FER: variants seen among roughly 807,000 people sequenced by gnomAD.
FER encodes tyrosine-protein kinase Fer.
A neutral mutation model predicts 111.0 loss-of-function variants in FER; 63 were observed. The ratio of observed to expected loss-of-function variants is 0.57; its 90% CI spans 0.46 to 0.70. FER has a LOEUF of 0.70. Among genes scored for constraint, FER ranks in the 30% least tolerant of loss-of-function variants. The pLI is 0.00. For synonymous variants in FER, 327 were observed against 313.9 expected (o/e 1.04, Z -0.44); for missense variants, 914 against 954.0 (o/e 0.96, Z 0.55).
At chr5:109,077,854 C>G (rs1029578522) in intron 16 of FER, among the ~76,000 whole-genome samples, 1 of 151,946 alleles carries the variant, frequency 6.6e-6, no homozygotes, top group Non-Finnish European at 1.5e-5. Flanking sequence ...ACTTTCAAAC[C>G]CATATAATTA....
chr5:108,790,622 A>C (rs936998071), intron 2 of FER, among the ~76,000 whole-genome samples: 1 of 152,200 alleles, frequency 6.6e-6, no homozygotes, highest in Admixed American at 6.5e-5. Context: ...GATAATTATA[A>C]GTTATGCTGT....
intron 16 of FER, among the ~76,000 whole-genome samples, chr5:109,059,597 T>TCC (rs954382364): frequency 1.3e-5 from 2 of 152,124 alleles, no homozygotes; most frequent in African/African-American, 4.8e-5. Context: ...TTAGTTCCTC[T>TCC]CTCCCTCTTA....
At chr5:108,764,516 G>A (rs1416510697) in intron 1 of FER, among the ~76,000 whole-genome samples, 1 of 152,066 alleles carries the variant, frequency 6.6e-6, no homozygotes, top group African/African-American at 2.4e-5. Context: ...TCCTGCCTCA[G>A]CCTCCCAAGT....
At chr5:109,054,440 A>G (rs1376808264) in intron 16 of FER, among the ~76,000 whole-genome samples, 1 of 152,220 alleles carries the variant, frequency 6.6e-6, no homozygotes, top group Admixed American at 6.5e-5. Context: ...TCAAGTGTCC[A>G]AATCGTCTTG....
chr5:108,853,687 G>A (rs1036740676), intron 5 of FER, among the ~76,000 whole-genome samples: 7 of 152,148 alleles, frequency 4.6e-5, no homozygotes, highest in Non-Finnish European at 2.9e-5. Flanking sequence ...ATAAGAGAGA[G>A]GCATGGAGGT....
chr5:109,107,537 T>C (rs1283787610), intron 17 of FER, among the ~76,000 whole-genome samples: 3 of 152,112 alleles, frequency 2.0e-5, no homozygotes, highest in African/African-American at 7.2e-5. Flanking sequence ...TTAATATTTA[T>C]AAGTTCTCAT....
chr5:109,128,166 T>C (rs1023773617), intron 17 of FER, among the ~76,000 whole-genome samples: 3 of 151,952 alleles, frequency 2.0e-5, no homozygotes, highest in African/African-American at 7.3e-5. Flanking sequence ...TCCTACCCTC[T>C]CCTTCCTTAC....
intron 13 of FER, among the ~76,000 whole-genome samples, chr5:109,025,171 C>T (rs1004568725): frequency 1.3e-5 from 2 of 151,868 alleles, no homozygotes; most frequent in African/African-American, 4.8e-5. Context: ...TCATTGGTAG[C>T]TTGATGGGGA....
At chr5:108,855,478 G>A (rs1346539388) in intron 5 of FER, among the ~76,000 whole-genome samples, 1 of 151,860 alleles carries the variant, frequency 6.6e-6, no homozygotes, top group African/African-American at 2.4e-5. Context: ...AAAATTAGCC[G>A]GGCGCGGTGG....
At chr5:108,880,212 T>C (rs1395032242) in intron 8 of FER, among the ~76,000 whole-genome samples, 1 of 151,972 alleles carries the variant, frequency 6.6e-6, no homozygotes, top group African/African-American at 2.4e-5. Context: ...GAATGGAAAA[T>C]TAACCAGGAA....
intron 8 of FER, among the ~76,000 whole-genome samples, chr5:108,881,137 C>G (rs1376548352): frequency 1.3e-5 from 2 of 152,158 alleles, no homozygotes. Flanking sequence ...ATCCTGTGCA[C>G]TCACATATAA....
At chr5:108,778,511 A>G (rs1181827386) in intron 2 of FER, among the ~76,000 whole-genome samples, 1 of 152,168 alleles carries the variant, frequency 6.6e-6, no homozygotes, top group East Asian at 1.9e-4. Context: ...AGCGTCCTGG[A>G]TTTTGGCTGT....
intron 13 of FER, among the ~76,000 whole-genome samples, chr5:108,998,711 T>C (rs921578870): frequency 6.6e-6 from 1 of 151,094 alleles, no homozygotes; most frequent in Non-Finnish European, 1.5e-5. Flanking sequence ...TCTGTTGAGA[T>C]AAACATGTGG....
chr5:108,820,026 A>G (rs2150101087), intron 3 of FER: 1 of 985,402 alleles, frequency 1.0e-6, no homozygotes, highest in South Asian at 4.7e-5. Context: ...CGGCTTGTCT[A>G]GGACATGGAA....
intron 10 of FER, among the ~76,000 whole-genome samples, chr5:108,939,617 T>A (rs974831629): frequency 6.6e-6 from 1 of 152,084 alleles, no homozygotes; most frequent in Non-Finnish European, 1.5e-5. Context: ...GCACTTAGAA[T>A]CTGACTGACT....
intron 11 of FER, among the ~76,000 whole-genome samples, chr5:108,947,546 A>G (rs1353505169): frequency 1.3e-5 from 2 of 151,870 alleles, no homozygotes; most frequent in Non-Finnish European, 2.9e-5. Flanking sequence ...AAAATTGCTT[A>G]TTTATTGTTG....
intron 17 of FER, among the ~76,000 whole-genome samples, chr5:109,156,247 C>T (rs1297067967): frequency 4.6e-5 from 7 of 152,040 alleles, no homozygotes; most frequent in Admixed American, 4.6e-4. Context: ...TATAATTAGA[C>T]AGTAGTTGAT....
intron 13 of FER, among the ~76,000 whole-genome samples, chr5:109,021,872 C>T (rs1182858320): frequency 6.6e-6 from 1 of 151,982 alleles, no homozygotes; most frequent in Non-Finnish European, 1.5e-5. Context: ...AAATACCTAC[C>T]GCATGTTAAG....
intron 13 of FER, among the ~76,000 whole-genome samples, chr5:108,969,672 A>G (rs1760374177): frequency 6.9e-6 from 1 of 145,756 alleles, no homozygotes; most frequent in Non-Finnish European, 1.5e-5. Context: ...TATTGAAAAC[A>G]TGGCACCTGT....
Sources: gnomAD v4.1 joint callset for allele counts (sites outside exome capture counted in the v4.1 genomes callset) on GRCh38, gnomAD v4.1.1 for gene constraint, MANE v1.5 for transcripts, NCBI Gene and HGNC (gene_info 2026-07-23, HGNC 2026-07-21) for gene names.